TENM4: variants seen among roughly 807,000 people sequenced by gnomAD.
TENM4 encodes the protein teneurin-4.
A neutral mutation model predicts 243.3 loss-of-function variants in TENM4; 82 were observed. That is an observed-to-expected ratio of 0.34 (90% confidence interval 0.28 to 0.40). The LOEUF (loss-of-function observed/expected upper bound fraction) is 0.40, where lower values mean the gene tolerates loss of function less well. Ranked by LOEUF, TENM4 falls within the 10% of genes least tolerant of loss-of-function variation. TENM4 has a pLI of 1.00. For missense variants in TENM4, 3,138 were observed against 3,673.3 expected, an observed-to-expected ratio of 0.85 and a Z score of 3.77; for synonymous variants, 1,412 against 1,456.3, an observed-to-expected ratio of 0.97 and a Z score of 0.69.
intron 1 of TENM4, among the ~76,000 whole-genome samples, chr11:79,342,496 T>C (rs1045498947): frequency 5.3e-5 from 8 of 151,878 alleles, no homozygotes; most frequent in African/African-American, 1.9e-4. Context: ...CACACAGAAA[T>C]AAGGAACTGC....
intron 4 of TENM4, among the ~76,000 whole-genome samples, chr11:79,088,188 G>T (rs543902474): frequency 2.0e-5 from 3 of 152,316 alleles, no homozygotes; most frequent in African/African-American, 7.2e-5. Flanking sequence ...CCTCCAGCTG[G>T]AGTGGGGCTG....
At chr11:78,918,093 C>T (rs1380786695) in intron 6 of TENM4, among the ~76,000 whole-genome samples, 1 of 152,184 alleles carries the variant, frequency 6.6e-6, no homozygotes, top group Non-Finnish European at 1.5e-5. Flanking sequence ...TGTCTGGCTT[C>T]GACTCCCGTG....
intron 5 of TENM4, 99 bp from the exon 6 acceptor site, chr11:79,065,106 G>A (rs778325743): frequency 8.5e-5 from 119 of 1,403,148 alleles, no homozygotes; most frequent in Non-Finnish European, 1.0e-4. Flanking sequence ...GCTCACTGTC[G>A]TTCTTTGAAC....
At chr11:78,671,946 C>A in intron 31 of TENM4, 87 bp downstream of exon 31, 1 of 1,476,926 alleles carries the variant, frequency 6.8e-7, no homozygotes, top group African/African-American at 1.4e-5. Context: ...TCAGATACAG[C>A]CCACTGAGGC....
chr11:79,400,142 CACA>C (rs1565330534), intron 1 of TENM4, among the ~76,000 whole-genome samples: 13 of 146,156 alleles, frequency 8.9e-5, no homozygotes, highest in Middle Eastern at 3.4e-3. Context: ...CACACACACA[CACA>C]CCCTCCAGGA....
intron 25 of TENM4, among the ~76,000 whole-genome samples, chr11:78,717,686 T>C (rs138707857): frequency 1.3e-5 from 2 of 152,364 alleles, no homozygotes; most frequent in East Asian, 3.9e-4. Context: ...CTGGTTCCTT[T>C]AGAAACTACT....
At chr11:79,213,073 T>C (rs12365619) in intron 3 of TENM4, among the ~76,000 whole-genome samples, 47,454 of 151,932 alleles carry the variant, frequency 0.31, 7,838 homozygotes, top group African/African-American at 0.44. Flanking sequence ...GAATGGATAA[T>C]GTCTGTGCCA....
Position 78,953,188 on chromosome 11 carries a change from T to A in TENM4, c.494-49665A>T, listed in dbSNP as rs573949140. 2.0e-5 allele frequency among the ~76,000 whole-genome samples: 3 copies of A among 152,330 alleles called. No individual in the cohort carries two copies. The South Asian group carries it at 6.2e-4, about 32-fold the overall frequency. ...GGAACTATGGGGACTGGAAACAGCA[T>A]ACGGGCTCCAGCAAGAGCATCTGAA... On this transcript the variant is annotated intron_variant, in intron 6 of 33. Transcript: ENST00000278550.
chr11:79,003,067 G>A (rs1233353344), intron 6 of TENM4, among the ~76,000 whole-genome samples: 1 of 152,118 alleles, frequency 6.6e-6, no homozygotes, highest in Non-Finnish European at 1.5e-5. Context: ...AGAGCTTGAA[G>A]ACCAGTTCCC....
intron 4 of TENM4, among the ~76,000 whole-genome samples, chr11:79,099,992 T>C (rs1207049578): frequency 6.6e-6 from 1 of 152,206 alleles, no homozygotes. Context: ...AGTAAAGGGC[T>C]GTCTGGTTGA....
chr11:78,736,300 A>G (rs1169481592), intron 20 of TENM4, among the ~76,000 whole-genome samples: 2 of 152,102 alleles, frequency 1.3e-5, no homozygotes, highest in African/African-American at 2.4e-5. Flanking sequence ...CAATGAGCCT[A>G]ATCTACATCT....
chr11:79,133,618 C>A (rs571504448), intron 4 of TENM4, among the ~76,000 whole-genome samples: 1 of 152,100 alleles, frequency 6.6e-6, no homozygotes, highest in East Asian at 1.9e-4. Flanking sequence ...TACTAGCTAA[C>A]CAAATCCAAC....
At chr11:79,228,761 G>T (rs1864322782) in intron 2 of TENM4, among the ~76,000 whole-genome samples, 1 of 152,058 alleles carries the variant, frequency 6.6e-6, no homozygotes, top group Admixed American at 6.5e-5. Context: ...AGAGATTATA[G>T]AAAAATTGCC....
chr11:78,689,759 C>T lies in TENM4; in HGVS notation c.5088-1533G>A, dbSNP rs573052841. Among the ~76,000 whole-genome samples the T allele has an allele frequency of 2.6e-5, 4 of 152,326 alleles. No individual in the cohort carries two copies. The East Asian group carries it at 5.8e-4, about 22-fold the overall frequency. ...GACTCTGCCATTTGCCAACTGTTTC[C>T]GTGCCTGAGCCTGGCACAGATCACA... On this transcript the variant is annotated intron_variant, in intron 28 of 33. Transcript: ENST00000278550.
At chr11:78,662,267 C>T (rs374493978) in intron 32 of TENM4, among the ~76,000 whole-genome samples, 12 of 151,728 alleles carry the variant, frequency 7.9e-5, no homozygotes, top group Non-Finnish European at 1.6e-4. Flanking sequence ...TCTTGGCTCA[C>T]TGCAACCTCT....
At chr11:79,105,504 A>G (rs987806528) in intron 4 of TENM4, among the ~76,000 whole-genome samples, 2 of 152,208 alleles carry the variant, frequency 1.3e-5, no homozygotes, top group Non-Finnish European at 2.9e-5. Flanking sequence ...CCTTCATATA[A>G]AAACAGCACA....
At position 79,372,580 on chromosome 11, in the gene TENM4, A is replaced by G. The variant is rs191043198; in HGVS notation, c.-321+67929T>C. Among the ~76,000 whole-genome samples, 37 of 152,324 alleles carry G rather than the reference A, an allele frequency of 2.4e-4. 1 individual carries two copies. In the East Asian group the frequency reaches 6.9e-3, roughly 29 times the overall value. On this transcript the variant is annotated intron_variant, in intron 1 of 33. Coordinates refer to ENST00000278550, the MANE Select transcript of TENM4 (RefSeq NM_001098816.3). Reference sequence around the variant, plus strand: ...ATAATGTCAGCAGAGAGGACTTGTAACAGAATCTGGTAGAACTAGGTGTGA... The same window carrying G: ...ATAATGTCAGCAGAGAGGACTTGTAGCAGAATCTGGTAGAACTAGGTGTGA...
At chr11:78,920,664 C>A (rs542115188) in intron 6 of TENM4, among the ~76,000 whole-genome samples, 1 of 152,244 alleles carries the variant, frequency 6.6e-6, no homozygotes, top group African/African-American at 2.4e-5. Flanking sequence ...GCAAAAGCAG[C>A]CATCTGATAG....
At chr11:79,315,293 A>G (rs890799115) in intron 1 of TENM4, among the ~76,000 whole-genome samples, 1 of 151,938 alleles carries the variant, frequency 6.6e-6, no homozygotes, top group Non-Finnish European at 1.5e-5. Flanking sequence ...CCTGTCCCCT[A>G]CTCCTCAGCT....
Sources: allele counts gnomAD v4.1 joint callset (sites outside exome capture counted in the v4.1 genomes callset), GRCh38; gene constraint gnomAD v4.1.1; transcripts MANE v1.5; gene names NCBI Gene and HGNC (gene_info 2026-07-23, HGNC 2026-07-21).